Variants in ITPR1 observed in about 807,000 individuals in gnomAD.
ITPR1 encodes the protein inositol 1,4,5-trisphosphate receptor type 1, also known as inositol 1,4,5-trisphosphate-gated calcium channel ITPR1.
Under a neutral mutation model 318.4 loss-of-function variants are expected in ITPR1, and 96 were observed. The ratio of observed to expected loss-of-function variants is 0.30; its 90% CI spans 0.26 to 0.36. The LOEUF (loss-of-function observed/expected upper bound fraction) is 0.36. ITPR1 is among the 10% of genes least tolerant of loss of function. The pLI is 1.00. For synonymous variants in ITPR1, 1,312 were observed against 1,289.9 expected (o/e 1.02, Z -0.37); for missense variants, 2,440 against 3,460.2 (o/e 0.71, Z 7.40).
intron 20 of ITPR1, among the ~76,000 whole-genome samples, chr3:4,672,715 T>C (rs553620549): frequency 6.6e-6 from 1 of 152,354 alleles, no homozygotes; most frequent in Admixed American, 6.5e-5. Context: ...AATTTCTAAT[T>C]AGGCTGAATA....
chr3:4,765,462 T>G (rs1348568452), intron 44 of ITPR1, among the ~76,000 whole-genome samples: 3 of 152,220 alleles, frequency 2.0e-5, no homozygotes, highest in African/African-American at 7.2e-5. Flanking sequence ...CCTAGGGCTC[T>G]GCTGAATCAG....
At chr3:4,548,713 G>A (rs975480873) in intron 4 of ITPR1, among the ~76,000 whole-genome samples, 2 of 151,998 alleles carry the variant, frequency 1.3e-5, no homozygotes. Flanking sequence ...TAAATTTGAG[G>A]GCTAGTAACT....
At position 4,702,831 on chromosome 3, in the gene ITPR1, C is replaced by A. The variant is rs1263089211; in HGVS notation, c.4538C>A (p.Thr1513Asn). The change falls in exon 36 of 62, where the codon ACT (threonine) becomes AAT (asparagine). Residue 1513 changes from threonine to asparagine, a missense_variant and splice_region_variant. Around this residue, in one of 23 missense-constraint regions of ITPR1, gnomAD observed 166 missense variants for 246.5 expected, o/e 0.67. Coordinates refer to ENST00000649015, the MANE Select transcript of ITPR1 (RefSeq NM_001378452.1). Reference sequence around the variant, plus strand: ...GTTGCCTCTTTTGGCTTCTTGCAGACTCGCCAGCCTGTCTTTGTGCAACTG... The same window carrying A: ...GTTGCCTCTTTTGGCTTCTTGCAGAATCGCCAGCCTGTCTTTGTGCAACTG... ...PFSDQSTTLQ[T>N]RQPVFVQLLQ... is the part of the protein sequence containing the mutation. The A allele has an allele frequency of 6.2e-7, 1 of 1,613,594 alleles. No individual in the cohort carries two copies. Among genetic ancestry groups the A allele is most frequent in the East Asian group, 2.2e-5 (1 of 44,868 alleles).
At chr3:4,775,565 G>A (rs184309108) in intron 47 of ITPR1, 123 bp downstream of exon 47, 63 of 696,042 alleles carry the variant, frequency 9.1e-5, no homozygotes, top group Admixed American at 1.9e-4. Context: ...AGGACAGGAG[G>A]CTGTCTTCCA....
At chr3:4,506,728 A>G (rs1393624526) in intron 2 of ITPR1, among the ~76,000 whole-genome samples, 1 of 152,206 alleles carries the variant, frequency 6.6e-6, no homozygotes, top group African/African-American at 2.4e-5. Context: ...GGAACAGTTC[A>G]CTTTCTAGAG....
intron 4 of ITPR1, among the ~76,000 whole-genome samples, chr3:4,624,534 T>TGGTG (rs2092754363): frequency 6.6e-6 from 1 of 152,002 alleles, no homozygotes; most frequent in African/African-American, 2.4e-5. Flanking sequence ...CTGGGCATGG[T>TGGTG]GGTGAGCACC....
intron 53 of ITPR1, among the ~76,000 whole-genome samples, chr3:4,798,595 A>C (rs1418533006): frequency 6.6e-6 from 1 of 152,242 alleles, no homozygotes; most frequent in African/African-American, 2.4e-5. Flanking sequence ...CTACTTCTCT[A>C]TGTTTGTCCA....
At chr3:4,844,115 A>C (rs1427707591) in intron 61 of ITPR1, among the ~76,000 whole-genome samples, 1 of 131,822 alleles carries the variant, frequency 7.6e-6, no homozygotes, top group Non-Finnish European at 1.6e-5. Flanking sequence ...AGGGTTGAGC[A>C]GACCAAGATT....
intron 44 of ITPR1, among the ~76,000 whole-genome samples, chr3:4,741,527 G>A (rs1467324152): frequency 7.0e-6 from 1 of 143,540 alleles, no homozygotes; most frequent in Non-Finnish European, 1.5e-5. Context: ...TGGTTCATGA[G>A]GCCTTTCCTA....
At chr3:4,735,694 C>G in intron 44 of ITPR1, 1 of 246,856 alleles carries the variant, frequency 4.1e-6, no homozygotes, top group Non-Finnish European at 7.8e-6. Context: ...AGTTTTTATC[C>G]AAGATTGTAG....
intron 2 of ITPR1, among the ~76,000 whole-genome samples, chr3:4,514,837 C>G (rs753499410): frequency 6.6e-6 from 1 of 152,168 alleles, no homozygotes; most frequent in Non-Finnish European, 1.5e-5. Flanking sequence ...TTGATGTTTT[C>G]CATTTGTGCC....
intron 4 of ITPR1, among the ~76,000 whole-genome samples, chr3:4,563,684 C>A (rs1394085239): frequency 2.0e-5 from 3 of 152,146 alleles, no homozygotes; most frequent in Non-Finnish European, 4.4e-5. Context: ...TCCCTTTACT[C>A]TCTCTTTGGC....
intron 20 of ITPR1, 49 bp from the exon 21 acceptor site, chr3:4,673,087 C>G: frequency 2.5e-6 from 4 of 1,568,918 alleles, no homozygotes; most frequent in Non-Finnish European, 3.5e-6. Flanking sequence ...TTCATTCATC[C>G]TGAATGATTT....
At chr3:4,701,538 A>G (rs1334632880) in intron 35 of ITPR1, among the ~76,000 whole-genome samples, 1 of 152,178 alleles carries the variant, frequency 6.6e-6, no homozygotes, top group African/African-American at 2.4e-5. Context: ...GCTGCAGGCA[A>G]TAGGACAGAA....
intron 37 of ITPR1, among the ~76,000 whole-genome samples, chr3:4,709,303 A>G (rs1000553124): frequency 2.0e-5 from 3 of 152,214 alleles, no homozygotes; most frequent in Non-Finnish European, 2.9e-5. Flanking sequence ...TGATTCATGT[A>G]TCTTTATGCA....
intron 56 of ITPR1, among the ~76,000 whole-genome samples, chr3:4,812,096 G>A (rs897843759): frequency 6.7e-6 from 1 of 150,102 alleles, no homozygotes; most frequent in Non-Finnish European, 1.5e-5. Flanking sequence ...CTGATGTGCA[G>A]TGGTATGATT....
chr3:4,720,765 C>T (rs10212373), intron 40 of ITPR1, among the ~76,000 whole-genome samples: 48,731 of 151,160 alleles, frequency 0.32, 9,486 homozygotes, highest in Non-Finnish European at 0.46. Context: ...CTGCTTCTGC[C>T]GGCAAAAGAT....
chr3:4,742,236 C>G (rs2043757760), intron 44 of ITPR1, among the ~76,000 whole-genome samples: 1 of 152,172 alleles, frequency 6.6e-6, no homozygotes, highest in South Asian at 2.1e-4. Flanking sequence ...CTTCAGTGAC[C>G]TTGGGGTTTG....
Position 4,516,545 on chromosome 3 carries a change from C to T in ITPR1, c.54C>T (p.Tyr18=), listed in dbSNP as rs373630095. ...FLHIGDICSL[Y]AEGSTNGFIS... is the part of the protein sequence containing the mutation. The stretch of plus-strand genomic sequence containing the variant: ...ATATTGGAGACATTTGTTCTCTGTA[C>T]GCGGAGGGATCGACAAATGGATTTA... Residue 18 remains tyrosine, a synonymous_variant, in exon 3 of 62, where the codon TAC becomes TAT. Coordinates refer to ENST00000649015, the MANE Select transcript of ITPR1 (RefSeq NM_001378452.1). The T allele has an allele frequency of 1.8e-5, 29 of 1,604,536 alleles. No individual in the cohort carries two copies. Among genetic ancestry groups the T allele is most frequent in the South Asian group, 1.4e-4 (12 of 88,602 alleles).
Sources: gnomAD v4.1 joint callset for allele counts (sites outside exome capture counted in the v4.1 genomes callset) on GRCh38, gnomAD v4.1.1 for gene constraint, gnomAD v4.1.1 regional missense constraint, MANE v1.5 for transcripts, NCBI Gene and HGNC (gene_info 2026-07-23, HGNC 2026-07-21) for gene names.